SIK3: variants seen among roughly 807,000 people sequenced by gnomAD.
SIK3 encodes SIK family kinase 3.
SIK3 carries 28 observed loss-of-function variants against 144.2 expected under a neutral mutation model. That is an observed-to-expected ratio of 0.19 (90% CI 0.14 to 0.27). The LOEUF (loss-of-function observed/expected upper bound fraction) is 0.27. SIK3 is among the 10% of genes least tolerant of loss of function. The probability of loss-of-function intolerance (pLI) is 1.00; values close to 1 mark genes in which losing one functional copy is unlikely to be tolerated. For missense variants in SIK3, 1,319 were observed against 1,776.0 expected (o/e 0.74, Z 4.62); for synonymous variants, 686 against 676.3 (o/e 1.01, Z -0.22).
chr11:117,014,509 A>G (rs1215445079), intron 1 of SIK3, among the ~76,000 whole-genome samples: 1 of 152,158 alleles, frequency 6.6e-6, no homozygotes, highest in Non-Finnish European at 1.5e-5. Context: ...TTTATTTATC[A>G]AAAGACACAA....
intron 1 of SIK3, among the ~76,000 whole-genome samples, chr11:116,957,797 T>C (rs1005084445): frequency 2.6e-5 from 4 of 152,194 alleles, no homozygotes; most frequent in Admixed American, 2.0e-4. Flanking sequence ...AGGTGCAGGA[T>C]TGAAGCCTAG....
chr11:117,021,928 CAAAAAAAAAAAAAAAAAAAAAAA>C (rs71037444), intron 1 of SIK3, among the ~76,000 whole-genome samples: 2 of 58,950 alleles, frequency 3.4e-5, no homozygotes, highest in African/African-American at 4.8e-5. Flanking sequence ...TCTGTCTCTA[CAAAAAAAAAAAAAAAAAAAAAAA>C]AAAAAAAAAA....
chr11:117,014,557 A>G (rs1179123841), intron 1 of SIK3, among the ~76,000 whole-genome samples: 1 of 152,030 alleles, frequency 6.6e-6, no homozygotes, highest in Non-Finnish European at 1.5e-5. Flanking sequence ...GGGAAAAAAG[A>G]TATCTGTAAC....
At chr11:116,953,256 T>C (rs186331126) in intron 3 of SIK3, among the ~76,000 whole-genome samples, 1 of 152,130 alleles carries the variant, frequency 6.6e-6, no homozygotes, top group Non-Finnish European at 1.5e-5. Context: ...AACTAGCAAG[T>C]GTTCATATTG....
At chr11:116,959,832 A>G (rs1949277306) in intron 1 of SIK3, among the ~76,000 whole-genome samples, 2 of 152,222 alleles carry the variant, frequency 1.3e-5, no homozygotes, top group African/African-American at 4.8e-5. Context: ...GTAACCCATC[A>G]TAAGTCAAGA....
In SIK3 at chr11:116,866,343, G is replaced by T. The variant is rs144215447; in HGVS notation, c.1952+1603C>A. ...GACAAGGAGAAAAGAAGGAATAAAG[G>T]GTGTATTAGATACCAGTGTAGAGCT... is the stretch of plus-strand genomic sequence containing the variant. On this transcript the variant is annotated intron_variant, in intron 15 of 24. Transcript: ENST00000445177. Among the ~76,000 whole-genome samples, 989 of 152,256 alleles carry T rather than the reference G, an allele frequency of 6.5e-3. 10 individuals carry two copies. The highest frequency in any genetic ancestry group is 0.023 in the African/African-American group (944 of 41,550).
intron 1 of SIK3, among the ~76,000 whole-genome samples, chr11:116,979,677 T>A (rs761566055): frequency 4.5e-4 from 68 of 152,196 alleles, no homozygotes; most frequent in Non-Finnish European, 4.9e-4. Context: ...CAAGACCTCA[T>A]CTCTACTAAA....
chr11:117,033,986 C>T (rs1952382992), intron 1 of SIK3, among the ~76,000 whole-genome samples: 1 of 151,798 alleles, frequency 6.6e-6, no homozygotes, highest in South Asian at 2.1e-4. Context: ...AAAAATAATC[C>T]CACGTTCTTC....
At chr11:116,873,398 GCCCTGGGTTCCCAA>G in intron 13 of SIK3, 69 bp downstream of exon 13, 1 of 1,577,850 alleles carries the variant, frequency 6.3e-7, no homozygotes, top group Non-Finnish European at 8.7e-7. Context: ...ATGTAGGTTG[GCCCTGGGTTCCCAA>G]CCCCAGGCTC....
chr11:116,852,811 A>G (rs1286055610), intron 21 of SIK3, among the ~76,000 whole-genome samples: 1 of 152,238 alleles, frequency 6.6e-6, no homozygotes. Context: ...TTTCCAGGAG[A>G]AGCCTCTGAT....
chr11:116,903,279 G>T (rs1247751847), intron 4 of SIK3, among the ~76,000 whole-genome samples: 1 of 152,150 alleles, frequency 6.6e-6, no homozygotes, highest in African/African-American at 2.4e-5. Flanking sequence ...AAGAGGACTG[G>T]AAAGAAAAAT....
At chr11:117,001,008 G>A (rs1364876260) in intron 1 of SIK3, among the ~76,000 whole-genome samples, 1 of 152,188 alleles carries the variant, frequency 6.6e-6, no homozygotes, top group African/African-American at 2.4e-5. Context: ...CTCAGCTACA[G>A]AAGTTAACCT....
Position 116,927,280 on chromosome 11 carries a change from A to T in SIK3, c.555T>A (p.Val185=). The change falls in exon 4 of 25, where the codon GTT becomes GTA. Residue 185 remains valine (V), a synonymous_variant. Transcript: ENST00000445177. ...AATTTTCAGCTTTTAAATCACGATG[A>T]ACAATGTTCCGACAGTGACAAAAAT... is the stretch of plus-strand genomic sequence containing the variant. ...AVYFCHCRNI[V]HRDLKAENLL... is the part of the protein sequence containing the mutation. 1 of 1,614,084 alleles carries T rather than the reference A, an allele frequency of 6.2e-7. No homozygotes were observed. Among genetic ancestry groups the T allele is most frequent in the Non-Finnish European group, 8.5e-7 (1 of 1,179,928 alleles).
At chr11:117,054,190 C>G (rs557801168) in intron 1 of SIK3, among the ~76,000 whole-genome samples, 2 of 152,276 alleles carry the variant, frequency 1.3e-5, no homozygotes, top group African/African-American at 4.8e-5. Flanking sequence ...AGGAATTCAC[C>G]AGACAGACTA....
intron 6 of SIK3, among the ~76,000 whole-genome samples, chr11:116,886,859 C>T (rs1944846562): frequency 6.6e-6 from 1 of 152,192 alleles, no homozygotes; most frequent in Admixed American, 6.5e-5. Context: ...GAAGCCAGGC[C>T]AGGTTTCACC....
chr11:116,922,891 T>C (rs1947064651), intron 4 of SIK3, among the ~76,000 whole-genome samples: 1 of 150,426 alleles, frequency 6.6e-6, no homozygotes. Context: ...ACGACTAATT[T>C]CTCCTTTTCT....
chr11:116,989,606 AG>A (rs1565531944), intron 1 of SIK3, among the ~76,000 whole-genome samples: 4 of 152,056 alleles, frequency 2.6e-5, no homozygotes, highest in African/African-American at 9.7e-5. Context: ...TTTTTCAATT[AG>A]TATACTAGAA....
At chr11:116,907,987 T>TAAAAA (rs34564120) in intron 4 of SIK3, among the ~76,000 whole-genome samples, 1 of 138,570 alleles carries the variant, frequency 7.2e-6, no homozygotes. Flanking sequence ...CGTTTTTATT[T>TAAAAA]AAAAAAAAAA....
chr11:117,080,533 C>G (rs575258271), intron 1 of SIK3, among the ~76,000 whole-genome samples: 4 of 152,042 alleles, frequency 2.6e-5, no homozygotes, highest in African/African-American at 7.2e-5. Context: ...TAAAATAAGT[C>G]TACGTGTTTT....
Sources: gnomAD v4.1 joint callset for allele counts (sites outside exome capture counted in the v4.1 genomes callset) on GRCh38, gnomAD v4.1.1 for gene constraint, MANE v1.5 for transcripts, NCBI Gene and HGNC (gene_info 2026-07-23, HGNC 2026-07-21) for gene names.